Variants in ABR observed in about 807,000 individuals in gnomAD.
The protein encoded by ABR is ABR activator of RhoGEF and GTPase.
ABR carries 35 observed loss-of-function variants against 107.2 expected under a neutral mutation model. The ratio of observed to expected loss-of-function variants is 0.33; its 90% CI spans 0.25 to 0.43. The LOEUF (loss-of-function observed/expected upper bound fraction) is 0.43. Ranked by LOEUF, ABR falls within the 20% of genes least tolerant of loss-of-function variation. The pLI is 1.00. For synonymous variants in ABR, 498 were observed against 462.0 expected, an observed-to-expected ratio of 1.08 and a Z score of -1.00; for missense variants, 815 against 1,115.2, an observed-to-expected ratio of 0.73 and a Z score of 3.83.
At position 1,004,380 on chromosome 17, in the gene ABR, C is replaced by A. The variant is rs1014887719; in HGVS notation, c.*1700G>T. 6.6e-6 allele frequency: 1 copy of A among 152,590 alleles called. No homozygotes were observed. Among genetic ancestry groups the A allele is most frequent in the Non-Finnish European group, 1.5e-5 (1 of 68,108 alleles). The allele number at this position is 152,590 out of a possible 1,614,324, so 9.5% of individuals were successfully genotyped here. On this transcript the variant is annotated 3_prime_UTR_variant, in exon 23 of 23. Coordinates refer to ENST00000302538, the MANE Select transcript of ABR (RefSeq NM_021962.5). ...AGGAGTAAACAGGCTCAAAAAGGGC[C>A]TCTCACCGCGCACGCGCTGCAGCGT...
In ABR at chr17:1,050,074, C is replaced by G. The variant is rs753507914; in HGVS notation, c.1767G>C (p.Lys589Asn). 5 of 1,614,156 alleles carry G rather than the reference C, an allele frequency of 3.1e-6. No individual in the cohort carries two copies. In the East Asian group the frequency reaches 1.1e-4, roughly 36 times the overall value. ...VNKDNNEIVD[K>N]IMGKGQIQLD... ...CCTGGATCTGTCCTTTGCCCATGAT[C>G]TTGTCCACGATCTCATTGTTGTCCT... The change falls in exon 16 of 23, where the codon AAG becomes AAC. Residue 589 changes from lysine (K) to asparagine (N), a missense_variant. Coordinates refer to ENST00000302538, the MANE Select transcript of ABR (RefSeq NM_021962.5). This position sits in a 1 kb window ranked among gnomAD's most constrained non-coding sequence, Gnocchi z 4.6.
chr17:1,134,683 C>T (rs557462680), intron 1 of ABR, among the ~76,000 whole-genome samples: 27 of 152,238 alleles, frequency 1.8e-4, no homozygotes, highest in African/African-American at 6.5e-4. Flanking sequence ...CAAGGCGGAC[C>T]GGAGGGTGTG....
intron 1 of ABR, among the ~76,000 whole-genome samples, chr17:1,215,520 C>A (rs187863489): frequency 6.6e-6 from 1 of 152,224 alleles, no homozygotes; most frequent in Non-Finnish European, 1.5e-5. Flanking sequence ...GGATTGCGGA[C>A]GGAGTCTCGT....
intron 1 of ABR, among the ~76,000 whole-genome samples, chr17:1,132,863 T>C (rs2039907740): frequency 6.6e-6 from 1 of 152,186 alleles, no homozygotes; most frequent in African/African-American, 2.4e-5. Flanking sequence ...CGTGTCAAAT[T>C]GGCAAGGATT....
intron 4 of ABR, 26 bp from the exon 5 acceptor site, chr17:1,083,653 G>A: frequency 1.3e-6 from 2 of 1,557,840 alleles, no homozygotes; most frequent in Non-Finnish European, 1.8e-6. Context: ...AGGGAACAGA[G>A]GGAGAGGAGG....
chr17:1,057,372 T>A (rs1460513042), intron 12 of ABR, among the ~76,000 whole-genome samples: 1 of 136,486 alleles, frequency 7.3e-6, no homozygotes, highest in Non-Finnish European at 1.6e-5. Context: ...GTGTGGTGTA[T>A]GCGTTTTGTT....
chr17:1,140,573 C>T (rs2040246772), intron 1 of ABR, among the ~76,000 whole-genome samples: 1 of 152,104 alleles, frequency 6.6e-6, no homozygotes, highest in Non-Finnish European at 1.5e-5. Flanking sequence ...TTCTACTGCA[C>T]TTTATTTTAT....
At chr17:1,072,835 C>T (rs1274688956) in intron 7 of ABR, 81 bp from the exon 8 acceptor site, 5 of 1,488,438 alleles carry the variant, frequency 3.4e-6, no homozygotes, top group Admixed American at 2.6e-5. Context: ...CAGTCCCCAT[C>T]CAAAGGGTGG....
intron 3 of ABR, among the ~76,000 whole-genome samples, chr17:1,098,606 G>A (rs1211531893): frequency 2.6e-5 from 4 of 152,214 alleles, no homozygotes; most frequent in Admixed American, 1.3e-4. Context: ...CTGATGGGCT[G>A]AGAGGCACAG....
chr17:1,078,465 C>A lies in ABR; in HGVS notation c.700+865G>T, dbSNP rs1477309152. On this transcript the variant is annotated intron_variant, in intron 6 of 22. Coordinates refer to ENST00000302538, the MANE Select transcript of ABR (RefSeq NM_021962.5). This position sits in a 1 kb window ranked among gnomAD's most constrained non-coding sequence, Gnocchi z 7.5. ...GTGCCTGGCCCCCGCAGACCCTCTC[C>A]CTGGCCTCAGGGCTACTACGTCTGC... Among the ~76,000 whole-genome samples, 1 of 152,170 alleles carries A rather than the reference C, an allele frequency of 6.6e-6. No individual in the cohort carries two copies. Among genetic ancestry groups the A allele is most frequent in the Non-Finnish European group, 1.5e-5 (1 of 68,020 alleles).
intron 1 of ABR, among the ~76,000 whole-genome samples, chr17:1,146,861 AC>A (rs1173758569): frequency 6.9e-6 from 1 of 145,490 alleles, no homozygotes; most frequent in Admixed American, 6.7e-5. Flanking sequence ...CACTGCCACC[AC>A]TGCCACCATT....
intron 16 of ABR, among the ~76,000 whole-genome samples, chr17:1,024,753 T>G (rs979805601): frequency 7.6e-6 from 1 of 131,940 alleles, no homozygotes; most frequent in Admixed American, 8.6e-5. Flanking sequence ...GCCACTGCAC[T>G]CCAGCCTGGG....
intron 3 of ABR, among the ~76,000 whole-genome samples, 177 bp downstream of exon 3, chr17:1,100,460 G>A (rs1414794082): frequency 6.6e-6 from 1 of 152,224 alleles, no homozygotes; most frequent in Admixed American, 6.5e-5. Flanking sequence ...GGCCCTTTCT[G>A]GCAATGACCC....
intron 1 of ABR, among the ~76,000 whole-genome samples, chr17:1,158,678 G>T (rs2041138594): frequency 6.6e-6 from 1 of 151,794 alleles, no homozygotes; most frequent in Non-Finnish European, 1.5e-5. Context: ...TAGGAGAATT[G>T]CTTGAACCTG....
Position 1,005,477 on chromosome 17 carries a change from C to T in ABR, c.*603G>A. ...GAGTCTGAGGAGGGGCCGGCAGCGG[C>T]AAACGGCAGCATCAAACAGACCACT... On this transcript the variant is annotated 3_prime_UTR_variant, in exon 23 of 23. Transcript: ENST00000302538. 3.9e-6 allele frequency: 1 copy of T among 258,242 alleles called. No individual in the cohort carries two copies. 16.0% of individuals were successfully genotyped at this position (258,242 alleles called of 1,614,324 possible). A position where few individuals can be genotyped will look rare whatever the true frequency, so the allele number is the denominator to read the frequency against.
intron 2 of ABR, among the ~76,000 whole-genome samples, chr17:1,102,130 G>A (rs191473529): frequency 5.3e-5 from 8 of 152,202 alleles, no homozygotes; most frequent in East Asian, 1.9e-4. Flanking sequence ...CCGGATGCCC[G>A]TCCCTACCCT....
intron 1 of ABR, among the ~76,000 whole-genome samples, chr17:1,134,844 C>T (rs777865478): frequency 6.6e-5 from 10 of 152,324 alleles, no homozygotes; most frequent in Admixed American, 1.3e-4. Context: ...TCTGTGCCTC[C>T]GAGGAGTGCC....
chr17:1,112,519 C>T (rs1424720752), intron 2 of ABR, among the ~76,000 whole-genome samples: 1 of 150,734 alleles, frequency 6.6e-6, no homozygotes, highest in African/African-American at 2.4e-5. Flanking sequence ...ATCGTTTGAG[C>T]TCAAGAGTTG....
At chr17:1,135,374 TGTC>T (rs1291079757) in intron 1 of ABR, among the ~76,000 whole-genome samples, 11,963 of 74,616 alleles carry the variant, frequency 0.16, 595 homozygotes, top group East Asian at 0.26. Flanking sequence ...TTTTTCTTTT[TGTC>T]TTTTTTTTTT....
Sources: allele counts gnomAD v4.1 joint callset (sites outside exome capture counted in the v4.1 genomes callset), GRCh38; gene constraint gnomAD v4.1.1; non-coding constraint Gnocchi (gnomAD v3.1); transcripts MANE v1.5; gene names NCBI Gene and HGNC (gene_info 2026-07-23, HGNC 2026-07-21).